SMU1: variants seen among roughly 807,000 people sequenced by gnomAD.
The protein encoded by SMU1 is WD40 repeat-containing protein SMU1.
Under a neutral mutation model 62.0 loss-of-function variants are expected in SMU1, and 2 were observed. The observed-to-expected ratio is 0.03, with a 90% confidence interval of 0.01 to 0.10. SMU1 has a LOEUF of 0.10. SMU1 is among the 10% of genes least tolerant of loss of function. The pLI is 1.00. For missense variants in SMU1, 227 were observed against 622.1 expected (o/e 0.36, Z 6.76); for synonymous variants, 188 against 212.4 (o/e 0.89, Z 1.00).
chr9:33,053,074 T>C (rs1303408675), intron 10 of SMU1, 49 bp downstream of exon 10: 2 of 1,571,568 alleles, frequency 1.3e-6, no homozygotes, highest in South Asian at 1.1e-5. Context: ...AAGTGCTGAT[T>C]TGGGAATGGC....
rs1839151580 is a variant in SMU1 at position 33,043,787 on chromosome 9, GAGTT to G, written c.*3502_*3505del. 6.6e-6 allele frequency: 1 copy of G among 152,296 alleles called. No individual in the cohort carries two copies. The highest frequency in any genetic ancestry group is 2.4e-5 in the African/African-American group (1 of 41,422). 9.4% of individuals were successfully genotyped at this position (152,296 alleles called of 1,614,324 possible). A position where few individuals can be genotyped will look rare whatever the true frequency, so the allele number is the denominator to read the frequency against. On this transcript the variant is annotated 3_prime_UTR_variant, in exon 12 of 12. Coordinates refer to ENST00000397149, the MANE Select transcript of SMU1 (RefSeq NM_018225.3). ...ATGCGAGCTTCGTGCAAGTTGGACT[GAGTT>G]AGGTGCCTCACGTCTGGAAACCTGT...
intron 10 of SMU1, among the ~76,000 whole-genome samples, chr9:33,050,292 A>C (rs1351271089): frequency 6.6e-6 from 1 of 152,224 alleles, no homozygotes. Flanking sequence ...GGGTGAGAAT[A>C]CAAAAGGATA....
At chr9:33,053,455 T>C (rs1296651610) in intron 9 of SMU1, 165 bp from the exon 10 acceptor site, 4 of 229,864 alleles carry the variant, frequency 1.7e-5, no homozygotes, top group Non-Finnish European at 2.9e-5. Flanking sequence ...CACTGCCATA[T>C]ACAGTTTTCC....
intron 9 of SMU1, among the ~76,000 whole-genome samples, chr9:33,053,633 C>A (rs113214242): frequency 1.3e-5 from 2 of 152,344 alleles, no homozygotes; most frequent in East Asian, 3.9e-4. Context: ...AATGCCCGCA[C>A]ACCACTTCCT....
intron 4 of SMU1, among the ~76,000 whole-genome samples, chr9:33,065,803 T>C (rs1220152740): frequency 1.3e-5 from 2 of 152,158 alleles, no homozygotes; most frequent in Non-Finnish European, 1.5e-5. Context: ...AATCAGGTGA[T>C]GTATATTCTG....
rs61036431 is a variant in SMU1, at chr9:33,049,764, C to CCACACACACA, written c.1291-1516_1291-1507dup. Among the ~76,000 whole-genome samples the CCACACACACA allele has an allele frequency of 5.7e-3, 850 of 148,506 alleles. 4 individuals are homozygous for CCACACACACA. The highest frequency in any genetic ancestry group is 0.013 in the African/African-American group (543 of 40,268). ...TCAGCAACATGGCATGACCCCATTT[C>CCACACACACA]CACACACACACACACACACACACAA... is the stretch of plus-strand genomic sequence containing the variant. On this transcript the variant is annotated intron_variant, in intron 10 of 11. Coordinates refer to ENST00000397149, the MANE Select transcript of SMU1 (RefSeq NM_018225.3).
At chr9:33,058,609 G>A (rs569082916) in intron 6 of SMU1, among the ~76,000 whole-genome samples, 9 of 152,168 alleles carry the variant, frequency 5.9e-5, no homozygotes, top group East Asian at 1.9e-4. Flanking sequence ...GAGCCACTGC[G>A]CCCAGTAAAA....
chr9:33,071,523 T>G (rs1319699740), intron 3 of SMU1, among the ~76,000 whole-genome samples: 1 of 152,088 alleles, frequency 6.6e-6, no homozygotes, highest in Non-Finnish European at 1.5e-5. Context: ...TAAACTGAGG[T>G]GTATAGAAGA....
rs528902362 is a variant in SMU1 at position 33,061,527 on chromosome 9, T to C, written c.630+522A>G. Among the ~76,000 whole-genome samples, 4 of 152,244 alleles carry C rather than the reference T, an allele frequency of 2.6e-5. No individual in the cohort carries two copies. In the East Asian group the frequency reaches 7.7e-4, roughly 29 times the overall value. On this transcript the variant is annotated intron_variant, in intron 5 of 11. Coordinates refer to ENST00000397149, the MANE Select transcript of SMU1 (RefSeq NM_018225.3). ...AAAGTAGCAAATACACTTGTAATTC[T>C]GGGAATTACCTAGAACACTTTTTCC...
rs765371310 is a variant in SMU1 at position 33,047,363 on chromosome 9, G to A, written c.1472C>T (p.Ala491Val). Residue 491 changes from alanine (A) to valine (V), a missense_variant, in exon 12 of 12, where the codon GCA becomes GTA. Transcript: ENST00000397149. Reference protein sequence around the residue: ...TVHEKDVIGIAHHPHQNLIAT... With the variant: ...TVHEKDVIGIVHHPHQNLIAT... ...AATCAGGTTCTGATGAGGGTGATGT[G>A]CAATACCAATCACATCCTTCTCGTG... The A allele has an allele frequency of 1.2e-6, 2 of 1,613,686 alleles. No homozygotes were observed. The highest frequency in any genetic ancestry group is 1.7e-6 in the Non-Finnish European group (2 of 1,179,894).
chr9:33,052,393 C>A (rs928212071), intron 10 of SMU1, among the ~76,000 whole-genome samples: 1 of 152,186 alleles, frequency 6.6e-6, no homozygotes, highest in East Asian at 1.9e-4. Context: ...AGCAGATGCA[C>A]TGGGCAGCTG....
chr9:33,061,130 A>C (rs1486359073), intron 5 of SMU1, among the ~76,000 whole-genome samples: 3 of 152,266 alleles, frequency 2.0e-5, no homozygotes, highest in African/African-American at 7.2e-5. Flanking sequence ...ATACTGTCTG[A>C]TAAATGCATT....
At chr9:33,070,619 G>T (rs1587713094) in intron 3 of SMU1, among the ~76,000 whole-genome samples, 1 of 152,326 alleles carries the variant, frequency 6.6e-6, no homozygotes, top group Admixed American at 6.5e-5. Flanking sequence ...GCAAGATTTG[G>T]AAGCAACGAT....
chr9:33,053,129 C>T lies in SMU1; in HGVS notation c.1284G>A (p.Gln428=), dbSNP rs1483960346. ...RSNTVVIMNM[Q]GQIVRSFSSG... ...GTACGTTCTGAACACTCACCTGCCC[C>T]TGCATGTTCATGATGACCACCGTGT... The change falls in exon 10 of 12, where the codon CAG becomes CAA. Residue 428 remains glutamine (Q), a synonymous_variant. Coordinates refer to ENST00000397149, the MANE Select transcript of SMU1 (RefSeq NM_018225.3). The T allele has an allele frequency of 1.2e-6, 2 of 1,611,996 alleles. No homozygotes were observed. Among genetic ancestry groups the T allele is most frequent in the African/African-American group, 2.7e-5 (2 of 74,840 alleles).
intron 4 of SMU1, among the ~76,000 whole-genome samples, chr9:33,066,910 T>A (rs1839427612): frequency 6.6e-6 from 1 of 151,912 alleles, no homozygotes; most frequent in Admixed American, 6.6e-5. Flanking sequence ...ACAGTAACTG[T>A]GCAGCAATGC....
intron 6 of SMU1, among the ~76,000 whole-genome samples, chr9:33,059,431 C>A (rs1458059587): frequency 6.6e-6 from 1 of 151,014 alleles, no homozygotes; most frequent in Non-Finnish European, 1.5e-5. Flanking sequence ...GTACATATAA[C>A]CCCTTGAAAA....
rs771650236 is a variant in SMU1, at chr9:33,053,521, G to A, written c.1123-231C>T. Among the ~76,000 whole-genome samples, 7 of 152,228 alleles carry A rather than the reference G, an allele frequency of 4.6e-5. No homozygotes were observed. The East Asian group carries it at 7.7e-4, about 17-fold the overall frequency. On this transcript the variant is annotated intron_variant, in intron 9 of 11. Transcript: ENST00000397149. Reference sequence around the variant, plus strand: ...TCCCCTTTAGATACCAAAATCCAAGGATACTCAAGTCCCACACATAAAATG... The same window carrying A: ...TCCCCTTTAGATACCAAAATCCAAGAATACTCAAGTCCCACACATAAAATG...
intron 11 of SMU1, among the ~76,000 whole-genome samples, chr9:33,047,861 A>C (rs2119417993): frequency 6.6e-6 from 1 of 152,242 alleles, no homozygotes; most frequent in South Asian, 2.1e-4. Context: ...TCCCTCTCAA[A>C]ATAAAATAAA....
At chr9:33,056,069 G>C in intron 9 of SMU1, 44 bp downstream of exon 9, 2 of 1,569,664 alleles carry the variant, frequency 1.3e-6, no homozygotes, top group Non-Finnish European at 1.7e-6. Context: ...AAAGGACAAA[G>C]ATGGGGTAGA....
Sources: gnomAD v4.1 joint callset for allele counts (sites outside exome capture counted in the v4.1 genomes callset) on GRCh38, gnomAD v4.1.1 for gene constraint, MANE v1.5 for transcripts, NCBI Gene and HGNC (gene_info 2026-07-23, HGNC 2026-07-21) for gene names.